Variants in KIAA0930 observed in about 807,000 individuals in gnomAD.
The protein encoded by KIAA0930 is KIAA0930.
A neutral mutation model predicts 43.9 loss-of-function variants in KIAA0930; 24 were observed. The ratio of observed to expected loss-of-function variants is 0.55; its 90% CI spans 0.40 to 0.77. The LOEUF is 0.77. Among genes scored for constraint, KIAA0930 ranks in the 30% least tolerant of loss-of-function variants. The probability of loss-of-function intolerance (pLI) is 0.00; values close to 1 mark genes in which losing one functional copy is unlikely to be tolerated. For synonymous variants in KIAA0930, 259 were observed against 216.4 expected, an observed-to-expected ratio of 1.20 and a Z score of -1.73; for missense variants, 461 against 574.2, an observed-to-expected ratio of 0.80 and a Z score of 2.02.
intron 7 of KIAA0930, chr22:45,200,939 C>G (rs531939343): frequency 2.0e-6 from 1 of 491,376 alleles, no homozygotes; most frequent in Non-Finnish European, 4.2e-6. Context: ...TCTTGAAGGA[C>G]GAGTAGGAGT....
At chr22:45,234,161 C>T (rs2083871725) in intron 1 of KIAA0930, among the ~76,000 whole-genome samples, 1 of 152,126 alleles carries the variant, frequency 6.6e-6, no homozygotes, top group Admixed American at 6.5e-5. Context: ...TCTCTGAGGC[C>T]CGGCAAGCTG....
chr22:45,213,815 G>C (rs1177675546), intron 1 of KIAA0930, among the ~76,000 whole-genome samples: 1 of 152,134 alleles, frequency 6.6e-6, no homozygotes, highest in African/African-American at 2.4e-5. Flanking sequence ...TTCAAGACCA[G>C]CCTGGCCAAT....
intron 1 of KIAA0930, among the ~76,000 whole-genome samples, chr22:45,217,719 G>C (rs1051468393): frequency 6.6e-6 from 1 of 152,170 alleles, no homozygotes; most frequent in Non-Finnish European, 1.5e-5. Flanking sequence ...TCATTAACCC[G>C]AAAGTGCCAT....
chr22:45,230,129 G>A (rs984552145), intron 1 of KIAA0930, among the ~76,000 whole-genome samples: 1 of 152,198 alleles, frequency 6.6e-6, no homozygotes, highest in African/African-American at 2.4e-5. Flanking sequence ...GGTGGGGAGA[G>A]GAGACAGCCC....
chr22:45,211,381 G>A (rs1283161433), intron 2 of KIAA0930: 8 of 398,698 alleles, frequency 2.0e-5, no homozygotes, highest in Non-Finnish European at 3.5e-5. Flanking sequence ...CGATTTAGTG[G>A]ATGAAATACG....
rs1179278813 is a variant in KIAA0930 at position 45,192,490 on chromosome 22, A to T, written c.*4686T>A. On this transcript the variant is annotated 3_prime_UTR_variant, in exon 10 of 10. Coordinates refer to ENST00000336156, the MANE Select transcript of KIAA0930 (RefSeq NM_001009880.2). ...TAAAATACATGTTGTAGAAGTCATA[A>T]TTCATAGTGAAGAATCTCAACAGGT... The T allele has an allele frequency of 6.6e-6, 1 of 152,240 alleles. No individual in the cohort carries two copies. Among genetic ancestry groups the T allele is most frequent in the African/African-American group, 2.4e-5 (1 of 41,460 alleles). The allele number at this position is 152,240 out of a possible 1,614,324, so 9.4% of individuals were successfully genotyped here.
At chr22:45,213,389 CA>C in intron 1 of KIAA0930, 2 of 1,303,038 alleles carry the variant, frequency 1.5e-6, no homozygotes, top group Non-Finnish European at 2.0e-6. Flanking sequence ...AAGGAGGCTT[CA>C]TCGGTGAGGG....
In KIAA0930 at chr22:45,219,387, G is replaced by C. The variant is rs147085688; in HGVS notation, c.65-7280C>G. Among the ~76,000 whole-genome samples, 59 of 152,184 alleles carry C rather than the reference G, an allele frequency of 3.9e-4. 1 individual carries two copies. The East Asian group carries it at 9.5e-3, about 24-fold the overall frequency. Reference sequence around the variant, plus strand: ...GGAATAATCGCGAATTACTTTAGGAGGCATTCCTTGAAACCCACCCCAATC... The same window carrying C: ...GGAATAATCGCGAATTACTTTAGGACGCATTCCTTGAAACCCACCCCAATC... On this transcript the variant is annotated intron_variant, in intron 1 of 9. Transcript: ENST00000336156.
intron 2 of KIAA0930, 147 bp downstream of exon 2, chr22:45,211,809 C>G: frequency 4.8e-6 from 4 of 829,574 alleles, no homozygotes; most frequent in Non-Finnish European, 7.7e-6. Context: ...CTACACAGTT[C>G]CTGGAATACA....
At chr22:45,198,398 C>T (rs1182695327) in intron 8 of KIAA0930, among the ~76,000 whole-genome samples, 1 of 152,232 alleles carries the variant, frequency 6.6e-6, no homozygotes. Context: ...CAGACTAGGG[C>T]AGTGATCAGT....
rs1347980206 is a variant in KIAA0930 at position 45,203,162 on chromosome 22, G to A, written c.680C>T (p.Ala227Val). 40 of 1,608,786 alleles carry A rather than the reference G, an allele frequency of 2.5e-5. No homozygotes were observed. The highest frequency in any genetic ancestry group is 3.4e-5 in the Non-Finnish European group (40 of 1,177,044). Residue 227 changes from alanine to valine, a missense_variant, in exon 7 of 10, where the codon GCA becomes GTA. Transcript: ENST00000336156. Reference sequence around the variant, plus strand: ...GTAGAAGCCAAACGACATCTTCTGTGCCATGCGGGCGGCCACGCTCACCTG... The same window carrying A: ...GTAGAAGCCAAACGACATCTTCTGTACCATGCGGGCGGCCACGCTCACCTG... ...DNRVSVAARM[A>V]QKMSFGFYKY...
chr22:45,208,204 A>T (rs887790992), intron 2 of KIAA0930, among the ~76,000 whole-genome samples: 5 of 152,280 alleles, frequency 3.3e-5, no homozygotes, highest in African/African-American at 1.2e-4. Context: ...AGACCAGATT[A>T]CAACCACCTG....
intron 1 of KIAA0930, among the ~76,000 whole-genome samples, chr22:45,215,710 AATG>A (rs1349323735): frequency 6.6e-6 from 1 of 152,276 alleles, no homozygotes; most frequent in Non-Finnish European, 1.5e-5. Context: ...TTGTAGACAC[AATG>A]ATGACAACTA....
At chr22:45,224,760 A>G (rs537530250) in intron 1 of KIAA0930, among the ~76,000 whole-genome samples, 1 of 152,270 alleles carries the variant, frequency 6.6e-6, no homozygotes, top group Admixed American at 6.5e-5. Context: ...GACGGCATTC[A>G]ACGCTCCCCT....
intron 1 of KIAA0930, among the ~76,000 whole-genome samples, chr22:45,228,721 GAA>G (rs1224189416): frequency 6.2e-5 from 5 of 80,300 alleles, no homozygotes; most frequent in African/African-American, 2.4e-4. Flanking sequence ...ACACTCACCC[GAA>G]AGATCCCTCT....
intron 2 of KIAA0930, among the ~76,000 whole-genome samples, chr22:45,211,653 A>C (rs2083694427): frequency 6.6e-6 from 1 of 152,168 alleles, no homozygotes; most frequent in African/African-American, 2.4e-5. Context: ...CTGACTAATT[A>C]TAAGAGGCCA....
At position 45,240,731 on chromosome 22, in the gene KIAA0930, G is replaced by C; in HGVS notation, c.-28C>G. ...GCTGCAGCGAGCGCTCCTCGGCCTC[G>C]GCGCCGCCCGCAGGCTCGGGGGCGG... On this transcript the variant is annotated 5_prime_UTR_variant, in exon 1 of 10. Transcript: ENST00000336156. The C allele has an allele frequency of 9.7e-7, 1 of 1,028,986 alleles. No homozygotes were observed. Among genetic ancestry groups the C allele is most frequent in the Non-Finnish European group, 1.1e-6 (1 of 883,076 alleles). The allele number at this position is 1,028,986 out of a possible 1,614,324, so 63.7% of individuals were successfully genotyped here. A position where few individuals can be genotyped will look rare whatever the true frequency, so the allele number is the denominator to read the frequency against.
chr22:45,227,428 A>C (rs181138224), intron 1 of KIAA0930, among the ~76,000 whole-genome samples: 20 of 152,300 alleles, frequency 1.3e-4, no homozygotes, highest in African/African-American at 4.6e-4. Context: ...AGGCCCACCC[A>C]GGAAAAAAAG....
rs1183861826 is a variant in KIAA0930, at chr22:45,193,604, A to G, written c.*3572T>C. 1 of 152,320 alleles carries G rather than the reference A, an allele frequency of 6.6e-6. No individual in the cohort carries two copies. The highest frequency in any genetic ancestry group is 1.5e-5 in the Non-Finnish European group (1 of 68,050). The allele number at this position is 152,320 out of a possible 1,614,324, so 9.4% of individuals were successfully genotyped here. On this transcript the variant is annotated 3_prime_UTR_variant, in exon 10 of 10. Transcript: ENST00000336156. ...CCGTGTAGAGGGAAGACTAACTCAC[A>G]GTCCATAAGAATCCAAAAGTGAGCG...
Sources: gnomAD v4.1 joint callset for allele counts (sites outside exome capture counted in the v4.1 genomes callset) on GRCh38, gnomAD v4.1.1 for gene constraint, MANE v1.5 for transcripts, NCBI Gene and HGNC (gene_info 2026-07-23, HGNC 2026-07-21) for gene names.